Variants in COL28A1 observed in about 807,000 individuals in gnomAD.
COL28A1 encodes collagen type XXVIII alpha 1 chain, also known as collagen alpha-1(XXVIII) chain.
A neutral mutation model predicts 150.2 loss-of-function variants in COL28A1; 161 were observed. The observed-to-expected ratio is 1.07, with a 90% CI of 0.94 to 1.22. The LOEUF (loss-of-function observed/expected upper bound fraction) is 1.22, where lower values mean the gene tolerates loss of function less well. Among genes scored for constraint, COL28A1 ranks in the 50% most tolerant of loss-of-function variants. The pLI is 0.00. For missense variants in COL28A1, 1,617 were observed against 1,388.3 expected (o/e 1.16, Z -2.62); for synonymous variants, 552 against 469.7 (o/e 1.18, Z -2.26).
intron 33 of COL28A1, among the ~76,000 whole-genome samples, chr7:7,364,164 A>G (rs1263703067): frequency 6.6e-6 from 1 of 152,160 alleles, no homozygotes; most frequent in Admixed American, 6.5e-5. Flanking sequence ...TGACTCTTCT[A>G]TACTCAGTGC....
rs1583207893 is a variant in COL28A1 at position 7,358,524 on chromosome 7, G to C, written c.*109C>G. 1 of 985,256 alleles carries C rather than the reference G, an allele frequency of 1.0e-6. No homozygotes were observed. Among genetic ancestry groups the C allele is most frequent in the South Asian group, 1.6e-5 (1 of 60,754 alleles). 61.0% of individuals were successfully genotyped at this position (985,256 alleles called of 1,614,324 possible). On this transcript the variant is annotated 3_prime_UTR_variant, in exon 35 of 35. Transcript: ENST00000399429. Reference sequence around the variant, plus strand: ...AGTGAGAATTCAATTACATGTATAAGTTGTAAATACTCAGTATACACTCAA... The same window carrying C: ...AGTGAGAATTCAATTACATGTATAACTTGTAAATACTCAGTATACACTCAA...
At chr7:7,509,312 G>A (rs576363838) in intron 9 of COL28A1, among the ~76,000 whole-genome samples, 15 of 151,790 alleles carry the variant, frequency 9.9e-5, no homozygotes, top group South Asian at 2.1e-4. Flanking sequence ...TTGTAGAGAC[G>A]GGGCCTCACT....
chr7:7,513,452 A>G (rs1226137526), intron 8 of COL28A1, among the ~76,000 whole-genome samples: 1 of 152,216 alleles, frequency 6.6e-6, no homozygotes, highest in Non-Finnish European at 1.5e-5. Context: ...AGGAGCAGGA[A>G]AGAGGGAGGT....
intron 23 of COL28A1, among the ~76,000 whole-genome samples, chr7:7,434,959 T>C (rs958503549): frequency 6.6e-6 from 1 of 152,176 alleles, no homozygotes; most frequent in African/African-American, 2.4e-5. Flanking sequence ...AAAATGAAAT[T>C]AATGTGCTAA....
intron 34 of COL28A1, among the ~76,000 whole-genome samples, chr7:7,359,667 G>C (rs529176281): frequency 1.4e-4 from 21 of 152,234 alleles, no homozygotes; most frequent in African/African-American, 5.1e-4. Context: ...TTTTGCAATA[G>C]CTAAACCAGC....
rs762602363 is a variant in COL28A1, at chr7:7,531,457, G to T, written c.572C>A (p.Ser191Tyr). ...AAGTTTGGCTTCATTGACTACCGTAGAAAGTGCAATGGTGATAAATGATAT... is the reference window on the plus strand; with the variant it reads ...AAGTTTGGCTTCATTGACTACCGTATAAAGTGCAATGGTGATAAATGATAT... The part of the protein sequence containing the change: ...SGISFITIAL[S>Y]TVVNEAKLRL... The change falls in exon 3 of 35, where the codon TCT becomes TAT. Residue 191 changes from serine to tyrosine, a missense_variant. Coordinates refer to ENST00000399429, the MANE Select transcript of COL28A1 (RefSeq NM_001037763.3). 1.2e-5 allele frequency: 19 copies of T among 1,596,744 alleles called. No individual in the cohort carries two copies. The African/African-American group carries it at 1.9e-4, about 16-fold the overall frequency.
chr7:7,363,979 C>T (rs1780805348), intron 33 of COL28A1, among the ~76,000 whole-genome samples: 1 of 152,086 alleles, frequency 6.6e-6, no homozygotes, highest in African/African-American at 2.4e-5. Flanking sequence ...TCTTCCACTA[C>T]TCCCAGAATA....
chr7:7,401,277 C>G (rs904493093), intron 27 of COL28A1, among the ~76,000 whole-genome samples: 5 of 151,894 alleles, frequency 3.3e-5, no homozygotes, highest in Admixed American at 3.3e-4. Context: ...TGGATTTCTT[C>G]TCTTCTATGT....
intron 18 of COL28A1, among the ~76,000 whole-genome samples, chr7:7,446,274 G>C (rs1464899019): frequency 6.6e-6 from 1 of 151,878 alleles, no homozygotes; most frequent in East Asian, 1.9e-4. Context: ...AAAAATGAAA[G>C]ACATAACTAT....
the COL28A1 span, among the ~76,000 whole-genome samples, chr7:7,540,945 G>C: frequency 6.6e-6 from 1 of 152,132 alleles, no homozygotes; most frequent in African/African-American, 2.4e-5. Flanking sequence ...AATATAGGTA[G>C]ATATCATCAT....
At chr7:7,405,192 T>C (rs560418195) in intron 27 of COL28A1, among the ~76,000 whole-genome samples, 12 of 152,366 alleles carry the variant, frequency 7.9e-5, no homozygotes, top group African/African-American at 2.9e-4. Flanking sequence ...ATTTCCTTTA[T>C]ATGTAAAACA....
chr7:7,484,202 C>T (rs1221434163), intron 13 of COL28A1, among the ~76,000 whole-genome samples: 1 of 151,848 alleles, frequency 6.6e-6, no homozygotes, highest in Non-Finnish European at 1.5e-5. Context: ...ATTGCAAAAG[C>T]AGCCTAAAGC....
At chr7:7,402,821 C>A (rs969212491) in intron 27 of COL28A1, among the ~76,000 whole-genome samples, 1 of 152,182 alleles carries the variant, frequency 6.6e-6, no homozygotes, top group Non-Finnish European at 1.5e-5. Flanking sequence ...ATCTTCAGCA[C>A]TTACCACAGT....
intron 1 of COL28A1, among the ~76,000 whole-genome samples, chr7:7,533,549 A>T (rs750595446): frequency 1.3e-5 from 2 of 152,170 alleles, no homozygotes; most frequent in African/African-American, 4.8e-5. Flanking sequence ...AAAGAGTATG[A>T]GAGCAAAAAT....
intron 8 of COL28A1, among the ~76,000 whole-genome samples, chr7:7,515,430 G>A (rs982534253): frequency 1.3e-5 from 2 of 152,188 alleles, no homozygotes; most frequent in African/African-American, 4.8e-5. Context: ...CCCTGGGAGA[G>A]GATTTGGTGT....
chr7:7,423,652 A>G (rs1784494875), intron 25 of COL28A1, among the ~76,000 whole-genome samples: 1 of 152,092 alleles, frequency 6.6e-6, no homozygotes, highest in Non-Finnish European at 1.5e-5. Context: ...GTAGTATTTA[A>G]TTCATGATTT....
intron 27 of COL28A1, among the ~76,000 whole-genome samples, chr7:7,387,072 A>C (rs71533371): frequency 0.11 from 16,012 of 152,184 alleles, 916 homozygotes; most frequent in Middle Eastern, 0.16. Context: ...CACCACCCCA[A>C]GGCCCCACTT....
intron 6 of COL28A1, 150 bp from the exon 7 acceptor site, chr7:7,517,987 CAAA>C (rs67184564): frequency 0.021 from 10,884 of 509,250 alleles, no homozygotes; most frequent in South Asian, 0.025. Context: ...GCAATCTAGG[CAAA>C]AAAAAAAAAA....
At chr7:7,340,935 T>A in the COL28A1 span, among the ~76,000 whole-genome samples, 2 of 152,130 alleles carry the variant, frequency 1.3e-5, no homozygotes, top group African/African-American at 4.8e-5. Context: ...TCCATCCAAA[T>A]GCAGCCACAT....
Sources: gnomAD v4.1 joint callset for allele counts (sites outside exome capture counted in the v4.1 genomes callset) on GRCh38, gnomAD v4.1.1 for gene constraint, MANE v1.5 for transcripts, NCBI Gene and HGNC (gene_info 2026-07-23, HGNC 2026-07-21) for gene names.